WDR37: variants seen among roughly 807,000 people sequenced by gnomAD.
WDR37 encodes the protein WD repeat-containing protein 37.
WDR37 carries 19 observed loss-of-function variants against 62.9 expected under a neutral mutation model. That is an observed-to-expected ratio of 0.30 (90% confidence interval 0.21 to 0.44). WDR37 has a LOEUF of 0.44. WDR37 is among the 20% of genes least tolerant of loss of function. The pLI is 1.00. For synonymous variants in WDR37, 250 were observed against 260.9 expected, an observed-to-expected ratio of 0.96 and a Z score of 0.40; for missense variants, 474 against 657.6, an observed-to-expected ratio of 0.72 and a Z score of 3.05.
chr10:1,093,658 T>C (rs147747460), intron 8 of WDR37, among the ~76,000 whole-genome samples, 162 bp downstream of exon 8: 192 of 152,346 alleles, frequency 1.3e-3, no homozygotes, highest in Admixed American at 2.2e-3. Flanking sequence ...GGAAAATACA[T>C]TGAGCAGTAC....
chr10:1,106,402 A>G (rs1326868266), intron 11 of WDR37, among the ~76,000 whole-genome samples: 1 of 152,210 alleles, frequency 6.6e-6, no homozygotes, highest in African/African-American at 2.4e-5. Flanking sequence ...AAAGGTTTAT[A>G]AATGAACTCC....
chr10:1,109,323 A>G (rs1338644412), intron 11 of WDR37, among the ~76,000 whole-genome samples: 1 of 152,220 alleles, frequency 6.6e-6, no homozygotes, highest in Non-Finnish European at 1.5e-5. Flanking sequence ...TTTTGTATTT[A>G]TATCACCAGA....
chr10:1,129,460 T>C lies in WDR37; in HGVS notation c.*116T>C, dbSNP rs1835910185. The C allele has an allele frequency of 6.9e-7, 1 of 1,443,482 alleles. No homozygotes were observed. Among genetic ancestry groups the C allele is most frequent in the African/African-American group, 1.4e-5 (1 of 71,118 alleles). 89.4% of individuals were successfully genotyped at this position (1,443,482 alleles called of 1,614,324 possible). ...GAGTTTGACCCTGGAAAGGGTGCTT[T>C]GTATATGTTCTTTTCACATAGTGCC... On this transcript the variant is annotated 3_prime_UTR_variant, in exon 14 of 14. Coordinates refer to ENST00000263150, the MANE Select transcript of WDR37 (RefSeq NM_014023.4).
intron 11 of WDR37, among the ~76,000 whole-genome samples, chr10:1,108,772 A>G (rs1220331694): frequency 7.9e-6 from 1 of 127,002 alleles, no homozygotes; most frequent in East Asian, 2.8e-4. Context: ...CAGGGCCCTG[A>G]GTGCCACCAT....
At chr10:1,082,919 G>A (rs1190738659) in intron 5 of WDR37, among the ~76,000 whole-genome samples, 1 of 152,160 alleles carries the variant, frequency 6.6e-6, no homozygotes, top group African/African-American at 2.4e-5. Flanking sequence ...TGTTAGAAGT[G>A]GTGAGAGATT....
At chr10:1,101,269 C>A (rs931994153) in intron 9 of WDR37, among the ~76,000 whole-genome samples, 6 of 152,176 alleles carry the variant, frequency 3.9e-5, no homozygotes, top group African/African-American at 1.4e-4. Flanking sequence ...TCCGTGTTCC[C>A]ACAGTCCTGG....
chr10:1,081,102 A>G (rs767916752), intron 5 of WDR37, among the ~76,000 whole-genome samples: 4 of 152,190 alleles, frequency 2.6e-5, no homozygotes, highest in African/African-American at 4.8e-5. Flanking sequence ...AGTGAAAATT[A>G]TGTTCTGAGC....
intron 13 of WDR37, among the ~76,000 whole-genome samples, chr10:1,126,557 C>T (rs1321368554): frequency 6.6e-6 from 1 of 152,146 alleles, no homozygotes; most frequent in African/African-American, 2.4e-5. Context: ...TGGATTTGTT[C>T]CCCGAGGCCT....
At chr10:1,117,399 T>A (rs550655166) in intron 11 of WDR37, among the ~76,000 whole-genome samples, 3 of 152,352 alleles carry the variant, frequency 2.0e-5, no homozygotes, top group Admixed American at 2.0e-4. Context: ...GAATATTGTT[T>A]TTAAAAGTGA....
At chr10:1,069,389 A>ATATATATATATTTTTTTTTTTTTTTTTT in intron 1 of WDR37, among the ~76,000 whole-genome samples, 4 of 95,776 alleles carry the variant, frequency 4.2e-5, no homozygotes, top group African/African-American at 1.9e-4. Flanking sequence ...ATATATATAT[A>ATATATATATATTTTTTTTTTTTTTTTTT]TTTTTTTTTT....
At chr10:1,088,297 T>G (rs1271032206) in intron 7 of WDR37, among the ~76,000 whole-genome samples, 1 of 152,254 alleles carries the variant, frequency 6.6e-6, no homozygotes, top group Non-Finnish European at 1.5e-5. Context: ...GTTGGCTGTT[T>G]GGTGCAAGAT....
rs746506946 is a variant in WDR37 at position 1,093,455 on chromosome 10, AT to A, written c.610del (p.Ser204LeufsTer46). 1 of 1,607,394 alleles carries A rather than the reference AT, an allele frequency of 6.2e-7. No individual in the cohort carries two copies. The highest frequency in any genetic ancestry group is 8.5e-7 in the Non-Finnish European group (1 of 1,177,834). ...VKYAGHVGSV[N>X]SIKFHPSEQL... Reference sequence around the variant, plus strand: ...TTATCATATTTTTATTTTGCAGTAAATTCTATCAAATTTCATCCCTCAGAGC... The same window carrying A: ...TTATCATATTTTTATTTTGCAGTAAATCTATCAAATTTCATCCCTCAGAGC... On this transcript the variant is annotated frameshift_variant, in exon 8 of 14. Coordinates refer to ENST00000263150, the MANE Select transcript of WDR37 (RefSeq NM_014023.4). LOFTEE classifies it high-confidence loss of function.
At chr10:1,091,913 G>T (rs1231970845) in intron 7 of WDR37, among the ~76,000 whole-genome samples, 1 of 152,178 alleles carries the variant, frequency 6.6e-6, no homozygotes, top group African/African-American at 2.4e-5. Flanking sequence ...GGGCGCGGTG[G>T]CTCACGCCTG....
chr10:1,088,213 C>T (rs1036856241), intron 7 of WDR37, among the ~76,000 whole-genome samples: 19 of 152,156 alleles, frequency 1.2e-4, no homozygotes, highest in Non-Finnish European at 2.8e-4. Flanking sequence ...TGTGTATCGG[C>T]GTTCTTGTCA....
chr10:1,097,837 C>A (rs552774994), intron 9 of WDR37, among the ~76,000 whole-genome samples: 18 of 152,284 alleles, frequency 1.2e-4, no homozygotes, highest in Middle Eastern at 6.8e-3. Context: ...CAGTGCCTGC[C>A]CTACTGTTGT....
At chr10:1,074,840 T>C (rs1833822088) in intron 2 of WDR37, among the ~76,000 whole-genome samples, 1 of 152,276 alleles carries the variant, frequency 6.6e-6, no homozygotes, top group African/African-American at 2.4e-5. Flanking sequence ...TGAAGTAGTT[T>C]AGAAAGCCAG....
chr10:1,081,540 A>G (rs1038642353), intron 5 of WDR37, among the ~76,000 whole-genome samples: 1 of 152,172 alleles, frequency 6.6e-6, no homozygotes, highest in South Asian at 2.1e-4. Context: ...TCCTCACTTG[A>G]TAGTCTTTGG....
intron 1 of WDR37, among the ~76,000 whole-genome samples, chr10:1,063,693 C>T (rs1001385648): frequency 1.3e-5 from 2 of 152,158 alleles, no homozygotes; most frequent in African/African-American, 2.4e-5. Flanking sequence ...GGTCATGAGG[C>T]CACCCCCCTG....
chr10:1,093,327 G>C (rs1701238806), intron 7 of WDR37, 125 bp from the exon 8 acceptor site: 1 of 729,010 alleles, frequency 1.4e-6, no homozygotes, highest in African/African-American at 1.8e-5. Context: ...TAACTGAGTG[G>C]AGGATCAAAT....
Sources: allele counts gnomAD v4.1 joint callset (sites outside exome capture counted in the v4.1 genomes callset), GRCh38; gene constraint gnomAD v4.1.1; transcripts MANE v1.5; gene names NCBI Gene and HGNC (gene_info 2026-07-23, HGNC 2026-07-21).